The following XNDC1N variants were observed in gnomAD, a reference collection of about 807,000 sequenced individuals.
XNDC1N encodes the protein XRCC1 N-terminal domain containing 1, N-terminal like, also known as protein XNDC1N.
At chr11:71,885,969 G>C in the XNDC1N span, among the ~76,000 whole-genome samples, 1 of 151,832 alleles carries the variant, frequency 6.6e-6, no homozygotes, top group African/African-American at 2.4e-5. Context: ...TATTAATATT[G>C]ATAATTATTA....
chr11:71,919,929 CTTTTTTTTTTT>C, the XNDC1N span, among the ~76,000 whole-genome samples: 58 of 26,614 alleles, frequency 2.2e-3, no homozygotes, highest in Middle Eastern at 0.025. Flanking sequence ...AAGCAGGCCT[CTTTTTTTTTTT>C]TTTTTTTTTT....
the XNDC1N span, among the ~76,000 whole-genome samples, chr11:71,887,481 C>G: frequency 6.6e-6 from 1 of 151,984 alleles, no homozygotes; most frequent in Admixed American, 6.6e-5. Flanking sequence ...GGAGACTTTT[C>G]TGAACTGAGC....
At chr11:71,917,636 G>A in the XNDC1N span, 31 of 703,418 alleles carry the variant, frequency 4.4e-5, 1 homozygote, top group African/African-American at 2.3e-4. Flanking sequence ...TTAAACATGC[G>A]GACCCCGGAG....
chr11:71,887,437 A>C, the XNDC1N span, among the ~76,000 whole-genome samples: 1 of 152,124 alleles, frequency 6.6e-6, no homozygotes, highest in Non-Finnish European at 1.5e-5. Context: ...AACGGGAGTC[A>C]TTATGACACT....
chr11:71,899,792 C>T, the XNDC1N span, among the ~76,000 whole-genome samples: 1 of 152,178 alleles, frequency 6.6e-6, no homozygotes, highest in African/African-American at 2.4e-5. Flanking sequence ...GTCGCCGAGC[C>T]CGACACCCGT....
At chr11:71,918,166 A>G in the XNDC1N span, among the ~76,000 whole-genome samples, 1 of 152,194 alleles carries the variant, frequency 6.6e-6, no homozygotes, top group Non-Finnish European at 1.5e-5. Context: ...TCTAAGGTCA[A>G]TCTTCTCAAT....
the XNDC1N span, among the ~76,000 whole-genome samples, chr11:71,912,723 CT>C: frequency 1.3e-5 from 2 of 152,096 alleles, no homozygotes; most frequent in African/African-American, 2.4e-5. Flanking sequence ...CTCTTTCCCC[CT>C]GGATATTAGG....
the XNDC1N span, among the ~76,000 whole-genome samples, chr11:71,884,802 T>C: frequency 2.6e-5 from 4 of 152,228 alleles, no homozygotes; most frequent in African/African-American, 9.6e-5. Flanking sequence ...CTATATCCGA[T>C]GCGGGGAGTA....
the XNDC1N span, among the ~76,000 whole-genome samples, chr11:71,910,702 C>G: frequency 6.6e-6 from 1 of 152,138 alleles, no homozygotes; most frequent in Non-Finnish European, 1.5e-5. Context: ...CAACAGGGGT[C>G]GGAACACAGC....
At chr11:71,887,401 G>C in the XNDC1N span, among the ~76,000 whole-genome samples, 1 of 151,236 alleles carries the variant, frequency 6.6e-6, no homozygotes, top group Non-Finnish European at 1.5e-5. Context: ...GACAGAGCAC[G>C]GCTCTTTGCT....
the XNDC1N span, among the ~76,000 whole-genome samples, chr11:71,899,788 G>A: frequency 2.6e-5 from 4 of 152,164 alleles, no homozygotes; most frequent in Admixed American, 6.5e-5. Context: ...GACCGTCGCC[G>A]AGCCCGACAC....
the XNDC1N span, among the ~76,000 whole-genome samples, chr11:71,880,748 T>C: frequency 6.6e-6 from 1 of 152,244 alleles, no homozygotes; most frequent in African/African-American, 2.4e-5. Context: ...TGTTATTTTC[T>C]TCTGAGTTTT....
At chr11:71,869,027 G>A in the XNDC1N span, among the ~76,000 whole-genome samples, 3 of 151,850 alleles carry the variant, frequency 2.0e-5, no homozygotes, top group Non-Finnish European at 2.9e-5. Flanking sequence ...TTCTATTTCT[G>A]AGATTCTTCC....
chr11:71,922,202 A>C, the XNDC1N span, among the ~76,000 whole-genome samples: 2 of 152,226 alleles, frequency 1.3e-5, no homozygotes, highest in Non-Finnish European at 2.9e-5. Context: ...TAGCCTGACC[A>C]TGCAGGTAAG....
chr11:71,925,906 CAT>C, the XNDC1N span: 1,334 of 152,022 alleles, frequency 8.8e-3, 5 homozygotes, highest in Middle Eastern at 0.017. Flanking sequence ...AATAAAAAGA[CAT>C]AGTCTCTGTT....
chr11:71,924,224 C>G, the XNDC1N span, among the ~76,000 whole-genome samples: 1 of 152,050 alleles, frequency 6.6e-6, no homozygotes, highest in East Asian at 1.9e-4. Flanking sequence ...ATTGCAAAAC[C>G]CTTGCTAAGC....
chr11:71,883,356 G>A, the XNDC1N span, among the ~76,000 whole-genome samples: 3 of 152,176 alleles, frequency 2.0e-5, no homozygotes, highest in Non-Finnish European at 2.9e-5. Flanking sequence ...TAAAGATAGA[G>A]TAATCAAAAC....
the XNDC1N span, among the ~76,000 whole-genome samples, chr11:71,876,618 C>T: frequency 8.5e-5 from 13 of 152,274 alleles, no homozygotes; most frequent in South Asian, 2.7e-3. Context: ...ACCACAATTA[C>T]ATTTACACCA....
At chr11:71,884,419 C>A in the XNDC1N span, 1 of 1,592,810 alleles carries the variant, frequency 6.3e-7, no homozygotes, top group Non-Finnish European at 8.6e-7. Flanking sequence ...AGAAGCTTCA[C>A]TTCTAATGAT....
Sources: allele counts gnomAD v4.1 joint callset (sites outside exome capture counted in the v4.1 genomes callset), GRCh38; gene constraint gnomAD v4.1.1; transcripts MANE v1.5; gene names NCBI Gene and HGNC (gene_info 2026-07-23, HGNC 2026-07-21).